The following PTPRF variants were observed in gnomAD, a reference collection of about 807,000 sequenced individuals.
The protein encoded by PTPRF is protein tyrosine phosphatase receptor type F.
A neutral mutation model predicts 201.8 loss-of-function variants in PTPRF; 59 were observed. The ratio of observed to expected loss-of-function variants is 0.29; its 90% CI spans 0.24 to 0.36. The LOEUF (loss-of-function observed/expected upper bound fraction) is 0.36, where lower values mean the gene tolerates loss of function less well. PTPRF is among the 10% of genes least tolerant of loss of function. The pLI is 1.00. For missense variants in PTPRF, 2,132 were observed against 2,690.5 expected, an observed-to-expected ratio of 0.79 and a Z score of 4.59; for synonymous variants, 1,088 against 1,089.7, an observed-to-expected ratio of 1.00 and a Z score of 0.03.
intron 6 of PTPRF, 76 bp from the exon 7 acceptor site, chr1:43,578,734 T>A: frequency 9.3e-7 from 1 of 1,073,036 alleles, no homozygotes; most frequent in Non-Finnish European, 1.4e-6. Context: ...CCACAGATGC[T>A]GTCGAGACCT....
intron 7 of PTPRF, 114 bp downstream of exon 7, chr1:43,579,034 C>A: frequency 1.1e-6 from 1 of 930,888 alleles, no homozygotes; most frequent in Non-Finnish European, 1.7e-6. Context: ...TGGGCCCAGT[C>A]TCTTCTCCTT....
Position 43,546,886 on chromosome 1 carries a change from G to A in PTPRF, c.91+1720G>A, listed in dbSNP as rs916980408. On this transcript the variant is annotated intron_variant, in intron 3 of 33. Coordinates refer to ENST00000359947, the MANE Select transcript of PTPRF (RefSeq NM_002840.5). This position sits in a 1 kb window ranked among gnomAD's most constrained non-coding sequence, Gnocchi z 4.2. Reference sequence around the variant, plus strand: ...CCAAGCTCCGTTGCTTCTACCTTCTGAATATCTTTGGAATGCATCCACTTC... The same window carrying A: ...CCAAGCTCCGTTGCTTCTACCTTCTAAATATCTTTGGAATGCATCCACTTC... Among the ~76,000 whole-genome samples the A allele has an allele frequency of 1.3e-5, 2 of 152,130 alleles. No homozygotes were observed. Among genetic ancestry groups the A allele is most frequent in the African/African-American group, 4.8e-5 (2 of 41,428 alleles).
At chr1:43,561,440 A>G (rs924293278) in intron 5 of PTPRF, among the ~76,000 whole-genome samples, 2 of 152,132 alleles carry the variant, frequency 1.3e-5, no homozygotes, top group African/African-American at 4.8e-5. Flanking sequence ...TGGCTTCCCA[A>G]GTGGCAAGAT....
At position 43,622,092 on chromosome 1, in the gene PTPRF, T is replaced by A; in HGVS notation, c.*89T>A. The A allele has an allele frequency of 1.4e-6, 2 of 1,391,504 alleles. No homozygotes were observed. The highest frequency in any genetic ancestry group is 2.3e-5 in the South Asian group (2 of 85,908). The allele number at this position is 1,391,504 out of a possible 1,614,324, so 86.2% of individuals were successfully genotyped here. ...AGCCATACCGACCATCGTCCAGCCCTCCTACGCAGATGCTGTCACTGGCAG... is the reference window on the plus strand; with the variant it reads ...AGCCATACCGACCATCGTCCAGCCCACCTACGCAGATGCTGTCACTGGCAG... On this transcript the variant is annotated 3_prime_UTR_variant, in exon 34 of 34. Transcript: ENST00000359947.
At position 43,553,027 on chromosome 1, in the gene PTPRF, G is replaced by A. The variant is rs1487479268; in HGVS notation, c.92-465G>A. ...GGTTCCTGGCCGGAGCCCCGGGGTG[G>A]ATGGTGGTGCCATCACTGAGATGGA... On this transcript the variant is annotated intron_variant, in intron 3 of 33. Coordinates refer to ENST00000359947, the MANE Select transcript of PTPRF (RefSeq NM_002840.5). This position sits in a 1 kb window ranked among gnomAD's most constrained non-coding sequence, Gnocchi z 4.1. Among the ~76,000 whole-genome samples, 1 of 152,156 alleles carries A rather than the reference G, an allele frequency of 6.6e-6. No homozygotes were observed. The highest frequency in any genetic ancestry group is 1.5e-5 in the Non-Finnish European group (1 of 68,030).
In PTPRF at chr1:43,622,304, G is replaced by T; in HGVS notation, c.*301G>T. 1 of 423,210 alleles carries T rather than the reference G, an allele frequency of 2.4e-6. No individual in the cohort carries two copies. Among genetic ancestry groups the T allele is most frequent in the Non-Finnish European group, 4.3e-6 (1 of 232,546 alleles). The allele number at this position is 423,210 out of a possible 1,614,324, so 26.2% of individuals were successfully genotyped here. A position where few individuals can be genotyped will look rare whatever the true frequency, so the allele number is the denominator to read the frequency against. ...GCATTTCTCATGCTTCTTCTCATGG[G>T]GTGGGGTTGGGGCAAAGCCTCCTTT... On this transcript the variant is annotated 3_prime_UTR_variant, in exon 34 of 34. Coordinates refer to ENST00000359947, the MANE Select transcript of PTPRF (RefSeq NM_002840.5).
chr1:43,587,645 G>T (rs921140839), intron 7 of PTPRF, among the ~76,000 whole-genome samples: 1 of 152,226 alleles, frequency 6.6e-6, no homozygotes, highest in Non-Finnish European at 1.5e-5. Context: ...GGTCCTCAGA[G>T]ACCAGTGCTC....
chr1:43,614,084 T>C (rs1391863333), intron 23 of PTPRF, among the ~76,000 whole-genome samples: 1 of 152,228 alleles, frequency 6.6e-6, no homozygotes. Flanking sequence ...ATCAAGAGCA[T>C]CCTGCAGGCC....
At chr1:43,538,137 C>A in intron 1 of PTPRF, 61 bp from the exon 2 acceptor site, 1 of 398,436 alleles carries the variant, frequency 2.5e-6, no homozygotes, top group South Asian at 1.3e-4. Context: ...CTTTCTGTGT[C>A]AATACATATG....
chr1:43,620,042 A>G lies in PTPRF; in HGVS notation c.5112-53A>G, dbSNP rs1054768097. 3.7e-6 allele frequency: 6 copies of G among 1,609,062 alleles called. No homozygotes were observed. The African/African-American group carries it at 6.7e-5, about 18-fold the overall frequency. On this transcript the variant is annotated intron_variant, in intron 29 of 33. Coordinates refer to ENST00000359947, the MANE Select transcript of PTPRF (RefSeq NM_002840.5). ...CCAAGGGGCTAGGCAGCCTAAGGGG[A>G]GACTCTAGGGGCAGCAGCACCTCCA...
At chr1:43,613,039 C>T (rs899005430) in intron 22 of PTPRF, 5 of 363,600 alleles carry the variant, frequency 1.4e-5, no homozygotes, top group South Asian at 6.4e-5. Context: ...TTCTGCCTCT[C>T]TGGCCTCCAG....
chr1:43,599,052 C>T, intron 13 of PTPRF, 139 bp downstream of exon 13: 1 of 913,552 alleles, frequency 1.1e-6, no homozygotes, highest in Non-Finnish European at 1.6e-6. Context: ...GTTGTGAGAC[C>T]CGAGATGCTT....
intron 6 of PTPRF, among the ~76,000 whole-genome samples, chr1:43,576,574 G>A (rs768292328): frequency 6.6e-6 from 1 of 152,232 alleles, no homozygotes; most frequent in Non-Finnish European, 1.5e-5. Context: ...CAGCCTAAGA[G>A]TTAAAAGCAC....
chr1:43,524,911 G>A (rs1005312113), upstream of PTPRF, among the ~76,000 whole-genome samples: 25 of 152,346 alleles, frequency 1.6e-4, no homozygotes, highest in African/African-American at 6.0e-4. Flanking sequence ...GCGGTTCCAA[G>A]CCGACTGGAG....
In PTPRF at chr1:43,603,727, C is replaced by A. The variant is rs903248544; in HGVS notation, c.2575C>A (p.Arg859=). Reference sequence around the variant, plus strand: ...GCTGGGCTACCGGCTGCAGTACTGCCGGGCCGACGAGGCGCGGCCCAACAC... The same window carrying A: ...GCTGGGCTACCGGCTGCAGTACTGCAGGGCCGACGAGGCGCGGCCCAACAC... The part of the protein sequence containing the change: ...ELLGYRLQYC[R]ADEARPNTID... Residue 859 remains arginine, a synonymous_variant, in exon 16 of 34, where the codon CGG becomes AGG. Transcript: ENST00000359947. The surrounding 1 kb of genome is among the most constrained non-coding windows in gnomAD (Gnocchi z 5.8). The A allele has an allele frequency of 3.7e-6, 6 of 1,613,724 alleles. No individual in the cohort carries two copies. Among genetic ancestry groups the A allele is most frequent in the Non-Finnish European group, 5.1e-6 (6 of 1,180,024 alleles).
rs1460932811 is a variant in PTPRF, at chr1:43,622,717, AG to A, written c.*715del. ...ACATTGACAGTGGTGGGCGGGGAGA[AG>A]ATAGGGAACACTCATCCCTGGTCGT... On this transcript the variant is annotated 3_prime_UTR_variant, in exon 34 of 34. Transcript: ENST00000359947. The A allele has an allele frequency of 2.0e-5, 3 of 152,546 alleles. No individual in the cohort carries two copies. The highest frequency in any genetic ancestry group is 7.2e-5 in the African/African-American group (3 of 41,410). 9.4% of individuals were successfully genotyped at this position (152,546 alleles called of 1,614,324 possible). A position where few individuals can be genotyped will look rare whatever the true frequency, so the allele number is the denominator to read the frequency against.
chr1:43,557,844 C>T (rs985614008), intron 5 of PTPRF, among the ~76,000 whole-genome samples: 1 of 152,102 alleles, frequency 6.6e-6, no homozygotes, highest in African/African-American at 2.4e-5. Context: ...AAACATAGCA[C>T]CAGGAAGACA....
intron 3 of PTPRF, among the ~76,000 whole-genome samples, chr1:43,547,536 C>T (rs1488630775): frequency 6.6e-6 from 1 of 152,244 alleles, no homozygotes; most frequent in Non-Finnish European, 1.5e-5. Flanking sequence ...AGGCAGGGCT[C>T]AGGCTGAGCT....
intron 7 of PTPRF, chr1:43,579,131 C>A: frequency 1.4e-6 from 1 of 707,892 alleles, no homozygotes; most frequent in Non-Finnish European, 2.6e-6. Context: ...CCTTGCAGGC[C>A]CATGGGGAAG....
Sources: gnomAD v4.1 joint callset for allele counts (sites outside exome capture counted in the v4.1 genomes callset) on GRCh38, gnomAD v4.1.1 for gene constraint, Gnocchi (gnomAD v3.1) non-coding constraint, MANE v1.5 for transcripts, NCBI Gene and HGNC (gene_info 2026-07-23, HGNC 2026-07-21) for gene names.